PDZRN4: variants seen among roughly 807,000 people sequenced by gnomAD.
The protein encoded by PDZRN4 is PDZ domain-containing RING finger protein 4.
In PDZRN4, 70 loss-of-function variants were observed where a neutral mutation model predicts 99.0. The observed-to-expected ratio is 0.71, with a 90% confidence interval of 0.58 to 0.86. The LOEUF (loss-of-function observed/expected upper bound fraction) is 0.86, where lower values mean the gene tolerates loss of function less well. Among genes scored for constraint, PDZRN4 ranks in the 40% least tolerant of loss-of-function variants. The pLI is 0.00. For synonymous variants in PDZRN4, 551 were observed against 501.6 expected (o/e 1.10, Z -1.32); for missense variants, 1,474 against 1,331.2 (o/e 1.11, Z -1.67).
At chr12:41,566,997 T>G (rs905278406) in intron 8 of PDZRN4, among the ~76,000 whole-genome samples, 2 of 152,184 alleles carry the variant, frequency 1.3e-5, no homozygotes, top group Non-Finnish European at 2.9e-5. Flanking sequence ...TCACTTTGTA[T>G]TGAAAAGCCG....
intron 5 of PDZRN4, among the ~76,000 whole-genome samples, chr12:41,512,064 C>A (rs1044660046): frequency 6.6e-6 from 1 of 152,010 alleles, no homozygotes; most frequent in African/African-American, 2.4e-5. Flanking sequence ...GGTTTAATGG[C>A]CAAGAAGACT....
In PDZRN4 at chr12:41,349,456, T is replaced by C. The variant is rs181284431; in HGVS notation, c.843+155268T>C. Among the ~76,000 whole-genome samples the C allele has an allele frequency of 5.8e-4, 86 of 147,678 alleles. No individual in the cohort carries two copies. The South Asian group carries it at 0.013, about 22-fold the overall frequency. On this transcript the variant is annotated intron_variant, in intron 3 of 9. Coordinates refer to ENST00000402685, the MANE Select transcript of PDZRN4 (RefSeq NM_001164595.2). ...GCACCCATTTTACCATCCATGTTTA[T>C]TTTTATCTGTATACTTTGTGCTATC...
intron 5 of PDZRN4, among the ~76,000 whole-genome samples, chr12:41,549,172 T>C (rs1431227805): frequency 6.6e-6 from 1 of 152,146 alleles, no homozygotes; most frequent in East Asian, 1.9e-4. Flanking sequence ...ATGGAGAAAA[T>C]GTACAGAGGT....
intron 3 of PDZRN4, among the ~76,000 whole-genome samples, chr12:41,250,842 T>C (rs955254111): frequency 6.6e-6 from 1 of 152,198 alleles, no homozygotes; most frequent in Non-Finnish European, 1.5e-5. Context: ...AAGCAGATGT[T>C]ATTGTTTGTC....
At chr12:41,339,497 C>T (rs1009119922) in intron 3 of PDZRN4, among the ~76,000 whole-genome samples, 1 of 152,010 alleles carries the variant, frequency 6.6e-6, no homozygotes, top group African/African-American at 2.4e-5. Context: ...AGAATCTCTC[C>T]AGGACATTGG....
rs146714110 is a variant in PDZRN4 at position 41,466,641 on chromosome 12, G to T, written c.844-39815G>T. Among the ~76,000 whole-genome samples the T allele has an allele frequency of 7.9e-3, 1,201 of 152,146 alleles. 13 individuals carry two copies. The highest frequency in any genetic ancestry group is 0.011 in the Non-Finnish European group (716 of 68,012). ...TTATGTTTGCATTAAAAACGTGGAG[G>T]GGGGGACACCTAAGCTTTCCATGTA... is the stretch of plus-strand genomic sequence containing the variant. On this transcript the variant is annotated intron_variant, in intron 3 of 9. Coordinates refer to ENST00000402685, the MANE Select transcript of PDZRN4 (RefSeq NM_001164595.2).
chr12:41,476,980 T>C (rs1001878789), intron 3 of PDZRN4, among the ~76,000 whole-genome samples: 1 of 152,238 alleles, frequency 6.6e-6, no homozygotes, highest in Non-Finnish European at 1.5e-5. Context: ...AAGGAGGCTA[T>C]TTAGTGAAGA....
chr12:41,397,001 G>GT (rs1243745582), intron 3 of PDZRN4, among the ~76,000 whole-genome samples: 1 of 106,428 alleles, frequency 9.4e-6, no homozygotes. Context: ...TTAGTGTAAT[G>GT]TAAAAAAAAA....
chr12:41,403,038 G>A (rs1449427133), intron 3 of PDZRN4, among the ~76,000 whole-genome samples: 1 of 152,010 alleles, frequency 6.6e-6, no homozygotes, highest in Non-Finnish European at 1.5e-5. Flanking sequence ...GTTTCTAGAA[G>A]TCTAAAAAGG....
At chr12:41,243,461 G>A (rs117422138) in intron 3 of PDZRN4, among the ~76,000 whole-genome samples, 1,773 of 152,178 alleles carry the variant, frequency 0.012, 56 homozygotes, top group East Asian at 0.11. Flanking sequence ...CATGAGTTGT[G>A]CCAAGGTAAT....
chr12:41,500,459 G>A (rs551485020), intron 3 of PDZRN4, among the ~76,000 whole-genome samples: 56 of 152,134 alleles, frequency 3.7e-4, no homozygotes, highest in African/African-American at 1.3e-3. Context: ...TGTCCAAAGC[G>A]GAACACTGGA....
intron 3 of PDZRN4, among the ~76,000 whole-genome samples, chr12:41,493,957 T>A (rs1937943087): frequency 6.6e-6 from 1 of 152,124 alleles, no homozygotes; most frequent in Non-Finnish European, 1.5e-5. Flanking sequence ...TAGCGCTTAT[T>A]CATGCATATG....
chr12:41,334,745 T>C (rs1476593548), intron 3 of PDZRN4, among the ~76,000 whole-genome samples: 1 of 152,194 alleles, frequency 6.6e-6, no homozygotes, highest in Admixed American at 6.5e-5. Flanking sequence ...AAGAGATAAA[T>C]CATTGATTAT....
intron 3 of PDZRN4, among the ~76,000 whole-genome samples, chr12:41,259,084 A>T (rs1372775691): frequency 2.0e-5 from 3 of 152,182 alleles, no homozygotes; most frequent in African/African-American, 7.2e-5. Flanking sequence ...CATAAAAGAC[A>T]CGGGAAGCAA....
At chr12:41,498,172 A>G (rs902141552) in intron 3 of PDZRN4, among the ~76,000 whole-genome samples, 1 of 152,056 alleles carries the variant, frequency 6.6e-6, no homozygotes, top group Non-Finnish European at 1.5e-5. Flanking sequence ...AAATGTTAAC[A>G]TCACCAGTAA....
intron 3 of PDZRN4, among the ~76,000 whole-genome samples, chr12:41,487,337 T>C (rs1937797275): frequency 6.6e-6 from 1 of 152,170 alleles, no homozygotes; most frequent in East Asian, 1.9e-4. Context: ...TATTTCCTAA[T>C]TTTCCATTTT....
intron 3 of PDZRN4, among the ~76,000 whole-genome samples, chr12:41,288,244 T>C (rs2120901674): frequency 1.3e-5 from 2 of 152,276 alleles, no homozygotes; most frequent in Middle Eastern, 3.4e-3. Context: ...GCAGAATGCA[T>C]TAGTTCAGCC....
intron 3 of PDZRN4, among the ~76,000 whole-genome samples, chr12:41,498,131 ATCTC>A (rs149654935): frequency 1.4e-3 from 204 of 149,596 alleles, no homozygotes; most frequent in Non-Finnish European, 2.1e-3. Context: ...TAGGTTCTCA[ATCTC>A]TCTCTCTCTC....
intron 3 of PDZRN4, among the ~76,000 whole-genome samples, chr12:41,208,986 A>G (rs1950868866): frequency 6.6e-6 from 1 of 152,004 alleles, no homozygotes; most frequent in Non-Finnish European, 1.5e-5. Context: ...TGAAGTTAAG[A>G]AAGTGCTTAA....
Sources: gnomAD v4.1 joint callset for allele counts (sites outside exome capture counted in the v4.1 genomes callset) on GRCh38, gnomAD v4.1.1 for gene constraint, MANE v1.5 for transcripts, NCBI Gene and HGNC (gene_info 2026-07-23, HGNC 2026-07-21) for gene names.